Variants in OPCML observed in about 807,000 individuals in gnomAD.
OPCML encodes the protein opioid binding protein/cell adhesion molecule like.
In OPCML, 13 loss-of-function variants were observed where a neutral mutation model predicts 37.8. The ratio of observed to expected loss-of-function variants is 0.34; its 90% CI spans 0.22 to 0.55. OPCML has a LOEUF of 0.55. OPCML is among the 20% of genes least tolerant of loss of function. The pLI is 0.91. For missense variants in OPCML, 341 were observed against 435.6 expected, an observed-to-expected ratio of 0.78 and a Z score of 1.93; for synonymous variants, 176 against 168.8, an observed-to-expected ratio of 1.04 and a Z score of -0.33.
At chr11:132,705,846 C>T (rs1944011625) in intron 2 of OPCML, among the ~76,000 whole-genome samples, 3 of 152,112 alleles carry the variant, frequency 2.0e-5, no homozygotes, top group African/African-American at 4.8e-5. Context: ...CTCACTCTGT[C>T]ACCCAGGATG....
intron 4 of OPCML, among the ~76,000 whole-genome samples, chr11:132,504,339 C>A (rs113099186): frequency 6.6e-6 from 1 of 152,136 alleles, no homozygotes; most frequent in East Asian, 1.9e-4. Context: ...ACAATACAAG[C>A]GCTGACTTGG....
intron 2 of OPCML, among the ~76,000 whole-genome samples, chr11:132,820,088 AAT>A (rs532932392): frequency 0.31 from 30,278 of 98,488 alleles, 3,907 homozygotes; most frequent in Non-Finnish European, 0.39. Context: ...TGAATGAATG[AAT>A]GAATGAATGA....
Position 132,803,573 on chromosome 11 carries a change from C to A in OPCML, c.146+139353G>T, listed in dbSNP as rs190055973. Among the ~76,000 whole-genome samples, 23 of 152,244 alleles carry A rather than the reference C, an allele frequency of 1.5e-4. No homozygotes were observed. In the East Asian group the frequency reaches 3.7e-3, roughly 24 times the overall value. On this transcript the variant is annotated intron_variant, in intron 2 of 7. Coordinates refer to ENST00000524381, the MANE Select transcript of OPCML (RefSeq NM_001012393.5). ...TGGGAGGGAACCAGAGGCCTAAAGC[C>A]CAAACTCACTATGATTCAACTTGGA... is the stretch of plus-strand genomic sequence containing the variant.
At chr11:133,330,147 C>T (rs1943582613) in intron 1 of OPCML, among the ~76,000 whole-genome samples, 1 of 152,214 alleles carries the variant, frequency 6.6e-6, no homozygotes, top group Admixed American at 6.5e-5. Flanking sequence ...TACCATCTCA[C>T]ACCACTTAGA....
chr11:133,140,567 G>GAAGAAGA (rs1949761911), intron 1 of OPCML, among the ~76,000 whole-genome samples: 1 of 141,060 alleles, frequency 7.1e-6, no homozygotes, highest in East Asian at 2.0e-4. Context: ...AGAAGAAGAA[G>GAAGAAGA]AAGAAGAAGA....
intron 1 of OPCML, among the ~76,000 whole-genome samples, chr11:133,407,829 C>A (rs1365812966): frequency 1.3e-5 from 2 of 152,192 alleles, no homozygotes; most frequent in African/African-American, 2.4e-5. Context: ...TTTCCCCAGA[C>A]CTCCTGCACC....
At chr11:132,837,198 C>A (rs1272836704) in intron 2 of OPCML, among the ~76,000 whole-genome samples, 5 of 152,118 alleles carry the variant, frequency 3.3e-5, no homozygotes, top group African/African-American at 1.2e-4. Flanking sequence ...CCTGTAATTA[C>A]AGCTACTCGG....
At chr11:132,747,487 T>A (rs1377184799) in intron 2 of OPCML, among the ~76,000 whole-genome samples, 1 of 152,052 alleles carries the variant, frequency 6.6e-6, no homozygotes, top group East Asian at 1.9e-4. Context: ...TCAAATAGGA[T>A]CCCAACACAG....
chr11:133,204,876 A>ATATATATATATATATATATATGTGTG lies in OPCML; in HGVS notation c.62-261867_62-261866insCACACATATATATATATATATATATA, dbSNP rs1565502197. On this transcript the variant is annotated intron_variant, in intron 1 of 7. Transcript: ENST00000524381. ...TATATATATATATATGTGTATATAT[A>ATATATATATATATATATATATGTGTG]TATATATATATATATATATATATAT... 5.0e-3 allele frequency among the ~76,000 whole-genome samples: 151 copies of ATATATATATATATATATATATGTGTG among 29,996 alleles called. 1 individual carries two copies. Among genetic ancestry groups the ATATATATATATATATATATATGTGTG allele is most frequent in the Non-Finnish European group, 8.6e-3 (118 of 13,670 alleles). 19.7% of individuals were successfully genotyped at this position (29,996 alleles called of 152,430 possible). A position where few individuals can be genotyped will look rare whatever the true frequency, so the allele number is the denominator to read the frequency against.
intron 2 of OPCML, among the ~76,000 whole-genome samples, chr11:132,814,537 G>A (rs1939522340): frequency 6.6e-6 from 1 of 152,170 alleles, no homozygotes; most frequent in Non-Finnish European, 1.5e-5. Context: ...TCTGCCTTTT[G>A]TTCTATCCAG....
At chr11:132,732,654 G>C (rs1219587262) in intron 2 of OPCML, among the ~76,000 whole-genome samples, 2 of 152,176 alleles carry the variant, frequency 1.3e-5, no homozygotes, top group Non-Finnish European at 2.9e-5. Context: ...GGAGGCTTCA[G>C]GGAGAGAAAT....
chr11:133,114,609 C>T (rs1414368311), intron 1 of OPCML, among the ~76,000 whole-genome samples: 1 of 152,138 alleles, frequency 6.6e-6, no homozygotes, highest in Non-Finnish European at 1.5e-5. Flanking sequence ...CAGTAAAATA[C>T]ATGGCCTAAC....
intron 2 of OPCML, among the ~76,000 whole-genome samples, chr11:132,847,079 T>C (rs1353108964): frequency 1.3e-5 from 2 of 152,026 alleles, no homozygotes; most frequent in African/African-American, 4.8e-5. Flanking sequence ...TCTTGGAGAG[T>C]TTGCTTATTT....
chr11:132,699,551 T>C (rs989555088), intron 2 of OPCML, among the ~76,000 whole-genome samples: 4 of 152,094 alleles, frequency 2.6e-5, no homozygotes, highest in Non-Finnish European at 5.9e-5. Flanking sequence ...AGAGGGTTTA[T>C]CATAAAACAA....
chr11:133,273,806 C>T (rs1415162559), intron 1 of OPCML, among the ~76,000 whole-genome samples: 1 of 152,108 alleles, frequency 6.6e-6, no homozygotes, highest in Non-Finnish European at 1.5e-5. Flanking sequence ...CATTGCAAGC[C>T]AATGTCCGTC....
intron 2 of OPCML, among the ~76,000 whole-genome samples, chr11:132,873,773 CA>C (rs1158276181): frequency 1.5e-5 from 2 of 136,108 alleles, no homozygotes; most frequent in Non-Finnish European, 3.2e-5. Flanking sequence ...TGAAAGATAA[CA>C]AAAAAGTAAA....
At chr11:132,731,553 A>G (rs776648838) in intron 2 of OPCML, among the ~76,000 whole-genome samples, 6 of 152,216 alleles carry the variant, frequency 3.9e-5, no homozygotes, top group African/African-American at 7.2e-5. Context: ...ACATTTATAT[A>G]ATTCACCCAC....
intron 2 of OPCML, among the ~76,000 whole-genome samples, chr11:132,777,547 C>T (rs771133199): frequency 6.6e-6 from 1 of 152,166 alleles, no homozygotes; most frequent in African/African-American, 2.4e-5. Context: ...ACCCACGCTG[C>T]CTGCTGATTT....
intron 3 of OPCML, among the ~76,000 whole-genome samples, chr11:132,636,204 ATTG>A (rs1186231748): frequency 1.3e-5 from 2 of 151,824 alleles, no homozygotes; most frequent in African/African-American, 2.4e-5. Context: ...GCTTTAGAAA[ATTG>A]TTATTTCCCT....
Sources: gnomAD v4.1 joint callset for allele counts (sites outside exome capture counted in the v4.1 genomes callset) on GRCh38, gnomAD v4.1.1 for gene constraint, MANE v1.5 for transcripts, NCBI Gene and HGNC (gene_info 2026-07-23, HGNC 2026-07-21) for gene names.